GLIS1: variants seen among roughly 807,000 people sequenced by gnomAD.
GLIS1 encodes the protein GLIS family zinc finger 1.
GLIS1 carries 24 observed loss-of-function variants against 63.8 expected under a neutral mutation model. The ratio of observed to expected loss-of-function variants is 0.38; its 90% CI spans 0.27 to 0.53. The LOEUF is 0.53. GLIS1 is among the 20% of genes least tolerant of loss of function. The pLI is 0.85. For synonymous variants in GLIS1, 450 were observed against 482.5 expected, an observed-to-expected ratio of 0.93 and a Z score of 0.88; for missense variants, 1,036 against 1,074.1, an observed-to-expected ratio of 0.96 and a Z score of 0.50.
intron 2 of GLIS1, among the ~76,000 whole-genome samples, chr1:53,601,836 T>A (rs944250550): frequency 2.6e-5 from 4 of 152,198 alleles, no homozygotes; most frequent in Non-Finnish European, 5.9e-5. Flanking sequence ...CTCAAGGCAG[T>A]TCCTTTGGCA....
At chr1:53,593,779 G>A (rs979636756) in intron 4 of GLIS1, among the ~76,000 whole-genome samples, 1 of 152,242 alleles carries the variant, frequency 6.6e-6, no homozygotes, top group African/African-American at 2.4e-5. Flanking sequence ...ACAAACACAT[G>A]AAAGAAGAGG....
chr1:53,695,138 TG>T (rs1646451557), intron 2 of GLIS1, among the ~76,000 whole-genome samples: 10 of 112,048 alleles, frequency 8.9e-5, no homozygotes. Context: ...TCAGCTGGGG[TG>T]GGGGTGGGTT....
chr1:53,670,231 C>T (rs1342956466), intron 2 of GLIS1, among the ~76,000 whole-genome samples: 1 of 152,184 alleles, frequency 6.6e-6, no homozygotes. Flanking sequence ...GAGGAGGCAG[C>T]GTCCCAGAGT....
At chr1:53,634,119 C>T (rs530375571) in intron 2 of GLIS1, among the ~76,000 whole-genome samples, 14 of 152,116 alleles carry the variant, frequency 9.2e-5, no homozygotes, top group South Asian at 2.1e-4. Context: ...GGGATGGAGA[C>T]GATGGGAGAA....
At chr1:53,567,916 C>T (rs375817382) in intron 4 of GLIS1, among the ~76,000 whole-genome samples, 105 of 152,364 alleles carry the variant, frequency 6.9e-4, no homozygotes, top group Non-Finnish European at 1.3e-3. Flanking sequence ...AGGGGCAGAG[C>T]CTTCATGGAC....
intron 2 of GLIS1, among the ~76,000 whole-genome samples, chr1:53,613,216 C>A (rs1458216748): frequency 2.0e-5 from 3 of 152,168 alleles, no homozygotes; most frequent in Non-Finnish European, 4.4e-5. Context: ...CCCCTTTTAA[C>A]AAATAATTTT....
intron 8 of GLIS1, among the ~76,000 whole-genome samples, chr1:53,513,976 G>A (rs1408492688): frequency 6.6e-6 from 1 of 152,252 alleles, no homozygotes; most frequent in Non-Finnish European, 1.5e-5. Context: ...GTGGGGCTGG[G>A]AGGCCTCCCT....
At chr1:53,555,348 G>A (rs993244801) in intron 4 of GLIS1, among the ~76,000 whole-genome samples, 3 of 152,154 alleles carry the variant, frequency 2.0e-5, no homozygotes, top group African/African-American at 7.2e-5. Flanking sequence ...GGCTAACACA[G>A]TGAAACTCTG....
intron 2 of GLIS1, among the ~76,000 whole-genome samples, chr1:53,687,520 C>T (rs780012476): frequency 3.9e-5 from 6 of 152,176 alleles, no homozygotes; most frequent in Non-Finnish European, 8.8e-5. Flanking sequence ...AGTACATCCC[C>T]GCTCTCCTGT....
At chr1:53,681,733 T>C (rs1646277334) in intron 2 of GLIS1, among the ~76,000 whole-genome samples, 1 of 152,156 alleles carries the variant, frequency 6.6e-6, no homozygotes, top group Admixed American at 6.5e-5. Context: ...CCCACTTTGC[T>C]CTAGGTGCGT....
At chr1:53,657,361 G>C (rs1461181863) in intron 2 of GLIS1, among the ~76,000 whole-genome samples, 1 of 152,178 alleles carries the variant, frequency 6.6e-6, no homozygotes, top group Non-Finnish European at 1.5e-5. Flanking sequence ...ATCTCCAAGG[G>C]AGATGGGTAA....
chr1:53,732,667 T>G (rs1288551281), intron 2 of GLIS1, among the ~76,000 whole-genome samples: 7 of 152,196 alleles, frequency 4.6e-5, no homozygotes. Flanking sequence ...CAAAGCCCAC[T>G]GCAAACTTTG....
At chr1:53,601,680 AC>A (rs759241256) in intron 2 of GLIS1, among the ~76,000 whole-genome samples, 1 of 152,148 alleles carries the variant, frequency 6.6e-6, no homozygotes, top group Non-Finnish European at 1.5e-5. Context: ...TCACCCAAGA[AC>A]ACACAGCTAG....
chr1:53,589,464 T>C (rs1645167516), intron 4 of GLIS1, among the ~76,000 whole-genome samples: 1 of 152,146 alleles, frequency 6.6e-6, no homozygotes, highest in Admixed American at 6.5e-5. Context: ...CCCAGGATTA[T>C]GGGGAATGAC....
At chr1:53,654,002 C>T (rs372781393) in intron 2 of GLIS1, among the ~76,000 whole-genome samples, 7 of 151,980 alleles carry the variant, frequency 4.6e-5, no homozygotes, top group African/African-American at 1.7e-4. Context: ...CACTGCCATC[C>T]CCCACCATGG....
intron 2 of GLIS1, among the ~76,000 whole-genome samples, chr1:53,657,142 T>C (rs1645975041): frequency 6.6e-6 from 1 of 152,222 alleles, no homozygotes; most frequent in Non-Finnish European, 1.5e-5. Context: ...TGCTGGTGGC[T>C]GGGCACAGCC....
At position 53,526,412 on chromosome 1, in the gene GLIS1, A is replaced by C. The variant is rs1016193564; in HGVS notation, c.1483-1525T>G. Among the ~76,000 whole-genome samples, 6 of 152,318 alleles carry C rather than the reference A, an allele frequency of 3.9e-5. No homozygotes were observed. The Middle Eastern group carries it at 0.01, about 259-fold the overall frequency. The stretch of plus-strand genomic sequence containing the variant: ...AGGAGAGCAAAAAGAGAGAGACAGC[A>C]GTGAGAAGCTTGCCGGGGTTGGCCT... On this transcript the variant is annotated intron_variant, in intron 5 of 10. Transcript: ENST00000628545. The surrounding 1 kb of genome is among the most constrained non-coding windows in gnomAD (Gnocchi z 4.4).
Position 53,529,285 on chromosome 1 carries a change from C to T in GLIS1, c.1482+506G>A, listed in dbSNP as rs189964254. Among the ~76,000 whole-genome samples the T allele has an allele frequency of 2.6e-3, 402 of 152,330 alleles. 2 individuals are homozygous for T. The highest frequency in any genetic ancestry group is 9.4e-3 in the African/African-American group (389 of 41,576). ...TGGAGTCTTAGGCACTGCCCACCTC[C>T]GCTCCTCACCTGCAGGGCTCAACGG... is the stretch of plus-strand genomic sequence containing the variant. On this transcript the variant is annotated intron_variant, in intron 5 of 10. Coordinates refer to ENST00000628545, the MANE Select transcript of GLIS1 (RefSeq NM_001367484.1).
chr1:53,531,430 A>C (rs1644530098), intron 4 of GLIS1, among the ~76,000 whole-genome samples: 2 of 151,996 alleles, frequency 1.3e-5, no homozygotes, highest in South Asian at 4.2e-4. Flanking sequence ...TAGGGGGAGG[A>C]GCTGGTTGGG....
Sources: gnomAD v4.1 joint callset for allele counts (sites outside exome capture counted in the v4.1 genomes callset) on GRCh38, gnomAD v4.1.1 for gene constraint, Gnocchi (gnomAD v3.1) non-coding constraint, MANE v1.5 for transcripts, NCBI Gene and HGNC (gene_info 2026-07-23, HGNC 2026-07-21) for gene names.